The following EHBP1 variants were observed in gnomAD, a reference collection of about 807,000 sequenced individuals.
EHBP1 encodes the protein EH domain-binding protein 1.
Under a neutral mutation model 144.0 loss-of-function variants are expected in EHBP1, and 55 were observed. The observed-to-expected ratio is 0.38, with a 90% CI of 0.31 to 0.48. EHBP1 has a LOEUF of 0.48. EHBP1 is among the 20% of genes least tolerant of loss of function. EHBP1 has a pLI of 0.98. For synonymous variants in EHBP1, 469 were observed against 472.7 expected, an observed-to-expected ratio of 0.99 and a Z score of 0.10; for missense variants, 1,200 against 1,364.2, an observed-to-expected ratio of 0.88 and a Z score of 1.90.
chr2:62,813,462 G>A (rs1290094380), intron 5 of EHBP1, among the ~76,000 whole-genome samples: 2 of 152,202 alleles, frequency 1.3e-5, no homozygotes, highest in African/African-American at 2.4e-5. Context: ...TGGGAGCAAG[G>A]TTACAGCAGA....
At chr2:62,991,529 A>G (rs1042765940) in intron 16 of EHBP1, among the ~76,000 whole-genome samples, 4 of 152,230 alleles carry the variant, frequency 2.6e-5, no homozygotes, top group African/African-American at 9.6e-5. Context: ...TGTAAGAATC[A>G]TCACACCTGA....
chr2:62,837,767 A>G (rs1409068039), intron 7 of EHBP1, among the ~76,000 whole-genome samples: 3 of 152,166 alleles, frequency 2.0e-5, no homozygotes, highest in Admixed American at 6.5e-5. Context: ...TGGTAAAGGG[A>G]TCAATTCAAA....
At chr2:62,917,594 T>C (rs2054737166) in intron 10 of EHBP1, among the ~76,000 whole-genome samples, 1 of 152,216 alleles carries the variant, frequency 6.6e-6, no homozygotes. Context: ...TTTCTTATGC[T>C]TTATACTGTG....
At chr2:62,906,730 G>C (rs1470114067) in intron 10 of EHBP1, among the ~76,000 whole-genome samples, 1 of 152,108 alleles carries the variant, frequency 6.6e-6, no homozygotes, top group Non-Finnish European at 1.5e-5. Flanking sequence ...TTACAGTCCA[G>C]ATACAAAACA....
intron 19 of EHBP1, among the ~76,000 whole-genome samples, chr2:63,027,931 GT>G (rs2061054515): frequency 6.6e-6 from 1 of 152,006 alleles, no homozygotes; most frequent in Non-Finnish European, 1.5e-5. Flanking sequence ...TTGTTTGTTT[GT>G]TTGTTTGTTT....
intron 5 of EHBP1, among the ~76,000 whole-genome samples, chr2:62,809,664 A>G (rs1459998012): frequency 6.6e-6 from 1 of 152,104 alleles, no homozygotes; most frequent in Non-Finnish European, 1.5e-5. Flanking sequence ...CACTCCCCCA[A>G]CTAGTAGTCT....
rs538893439 is a variant in EHBP1, at chr2:62,844,755, A to G, written c.634+13597A>G. On this transcript the variant is annotated intron_variant, in intron 7 of 22. Transcript: ENST00000431489. ...TAAGCATTGTTAAGAGAACTCAGAC[A>G]TTATGAGGCTCCTGAAAGACCCCTG... Among the ~76,000 whole-genome samples the G allele has an allele frequency of 2.0e-5, 3 of 152,318 alleles. No homozygotes were observed. The East Asian group carries it at 5.8e-4, about 29-fold the overall frequency.
chr2:62,830,151 TAGACACACACACAC>T (rs1334212552), intron 6 of EHBP1, among the ~76,000 whole-genome samples: 45 of 64,798 alleles, frequency 6.9e-4, no homozygotes, highest in African/African-American at 2.1e-3. Context: ...TATATATATA[TAGACACACACACAC>T]ACACACACAC....
rs768118383 is a variant in EHBP1, at chr2:62,864,849, A to G, written c.876A>G (p.Glu292=). ...ATTTGAACCCATTCGATGAGCCAGA[A>G]GCATTTGTGACCATAAAGGATTCTC... ...PQYLNPFDEP[E]AFVTIKDSPP... is the part of the protein sequence containing the mutation. The change falls in exon 9 of 23, where the codon GAA becomes GAG. Residue 292 remains glutamate, a synonymous_variant. Transcript: ENST00000431489. 2 of 1,614,028 alleles carry G rather than the reference A, an allele frequency of 1.2e-6. No individual in the cohort carries two copies. The highest frequency in any genetic ancestry group is 4.5e-5 in the East Asian group (2 of 44,866).
chr2:62,751,952 T>G (rs1573127584), intron 3 of EHBP1, among the ~76,000 whole-genome samples: 1 of 152,240 alleles, frequency 6.6e-6, no homozygotes, highest in African/African-American at 2.4e-5. Flanking sequence ...ATTCATTTTT[T>G]TTTTGAAGGG....
chr2:62,877,750 T>A (rs1278316792), intron 10 of EHBP1, among the ~76,000 whole-genome samples: 2 of 152,020 alleles, frequency 1.3e-5, no homozygotes, highest in Admixed American at 6.6e-5. Context: ...GGTAAACAAA[T>A]AAGGCAGAAA....
intron 7 of EHBP1, among the ~76,000 whole-genome samples, chr2:62,836,214 A>AC (rs2047236956): frequency 1.3e-5 from 2 of 151,846 alleles, no homozygotes; most frequent in South Asian, 4.2e-4. Context: ...ACTGGGAGGC[A>AC]CCCCCCAGCA....
chr2:62,833,669 T>A (rs1016775492), intron 7 of EHBP1, among the ~76,000 whole-genome samples: 7 of 152,240 alleles, frequency 4.6e-5, no homozygotes, highest in African/African-American at 1.7e-4. Context: ...CGTACCTGGT[T>A]GCCCAAGAGC....
At chr2:62,747,291 T>C (rs2039250066) in intron 2 of EHBP1, 104 bp from the exon 3 acceptor site, 6 of 921,282 alleles carry the variant, frequency 6.5e-6, no homozygotes, top group Middle Eastern at 3.5e-4. Context: ...AGTAGCTGCT[T>C]TATGTAGCCT....
Position 62,844,127 on chromosome 2 carries a change from A to G in EHBP1, c.634+12969A>G, listed in dbSNP as rs186096379. On this transcript the variant is annotated intron_variant, in intron 7 of 22. Coordinates refer to ENST00000431489, the MANE Select transcript of EHBP1 (RefSeq NM_001142616.3). ...ACAATTGTGTACCTCTTAGATTGAC[A>G]TCTCACGGTTATTCATGTAGTGAGT... 2.5e-3 allele frequency among the ~76,000 whole-genome samples: 382 copies of G among 152,338 alleles called. 7 individuals are homozygous for G. The highest frequency in any genetic ancestry group is 0.023 in the Admixed American group (353 of 15,300).
At chr2:62,704,926 A>G (rs2034407792), upstream of EHBP1, among the ~76,000 whole-genome samples, 1 of 152,094 alleles carries the variant, frequency 6.6e-6, no homozygotes, top group Admixed American at 6.5e-5. Context: ...CTGTTCCCAA[A>G]TCCATCTACA....
intron 1 of EHBP1, among the ~76,000 whole-genome samples, chr2:62,694,955 TAA>T (rs2034035888): frequency 6.6e-6 from 1 of 152,216 alleles, no homozygotes; most frequent in Admixed American, 6.5e-5. Context: ...ATGTCATATA[TAA>T]GAGGGGAAAT....
chr2:62,762,102 C>T (rs771894089), intron 3 of EHBP1, among the ~76,000 whole-genome samples: 52 of 152,212 alleles, frequency 3.4e-4, no homozygotes, highest in Middle Eastern at 3.4e-3. Context: ...TGTACCTGGC[C>T]TTATTAATGG....
At chr2:62,686,262 C>T (rs192558427) in intron 1 of EHBP1, among the ~76,000 whole-genome samples, 83 of 152,246 alleles carry the variant, frequency 5.5e-4, no homozygotes, top group Admixed American at 5.2e-4. Context: ...ATGATTGCAA[C>T]CCATAAATAA....
Sources: gnomAD v4.1 joint callset for allele counts (sites outside exome capture counted in the v4.1 genomes callset) on GRCh38, gnomAD v4.1.1 for gene constraint, MANE v1.5 for transcripts, NCBI Gene and HGNC (gene_info 2026-07-23, HGNC 2026-07-21) for gene names.